RFFL: variants seen among roughly 807,000 people sequenced by gnomAD.
RFFL encodes ring finger and FYVE like domain containing E3 ubiquitin protein ligase.
RFFL carries 16 observed loss-of-function variants against 40.4 expected under a neutral mutation model. That is an observed-to-expected ratio of 0.40 (90% CI 0.27 to 0.60). The LOEUF is 0.60. Ranked by LOEUF, RFFL falls within the 20% of genes least tolerant of loss-of-function variation. RFFL has a pLI of 0.47. For missense variants in RFFL, 367 were observed against 451.7 expected (o/e 0.81, Z 1.70); for synonymous variants, 154 against 167.9 (o/e 0.92, Z 0.64).
chr17:35,054,497 CCT>C (rs1452790598), intron 1 of RFFL, among the ~76,000 whole-genome samples: 8 of 152,110 alleles, frequency 5.3e-5, no homozygotes, highest in African/African-American at 1.9e-4. Flanking sequence ...AAAATAATCC[CCT>C]TTCTAATTTA....
intron 1 of RFFL, among the ~76,000 whole-genome samples, chr17:35,075,049 A>C (rs2091369253): frequency 6.6e-6 from 1 of 152,208 alleles, no homozygotes; most frequent in Non-Finnish European, 1.5e-5. Context: ...CAAAGTGAAA[A>C]TTCAAGATTT....
At chr17:35,058,788 G>A (rs1429242212) in intron 1 of RFFL, among the ~76,000 whole-genome samples, 1 of 151,924 alleles carries the variant, frequency 6.6e-6, no homozygotes, top group Non-Finnish European at 1.5e-5. Flanking sequence ...AAAGTTGGTA[G>A]TAATAATCCC....
chr17:35,041,829 C>G (rs1319079096), intron 1 of RFFL, among the ~76,000 whole-genome samples: 1 of 152,058 alleles, frequency 6.6e-6, no homozygotes, highest in Non-Finnish European at 1.5e-5. Context: ...CCAGCCTAGA[C>G]AACATGGTGA....
chr17:35,021,850 C>T, intron 2 of RFFL, 69 bp from the exon 3 acceptor site: 1 of 1,499,706 alleles, frequency 6.7e-7, no homozygotes, highest in South Asian at 1.1e-5. Flanking sequence ...GCGATGGGAG[C>T]TTCAGAGCTG....
chr17:35,039,820 G>A (rs1159355993), intron 1 of RFFL, among the ~76,000 whole-genome samples: 1 of 151,990 alleles, frequency 6.6e-6, no homozygotes, highest in Non-Finnish European at 1.5e-5. Context: ...TGGGATTACA[G>A]GCATACAACT....
At chr17:35,070,412 C>T (rs897952585) in intron 1 of RFFL, among the ~76,000 whole-genome samples, 5 of 152,068 alleles carry the variant, frequency 3.3e-5, no homozygotes, top group African/African-American at 7.2e-5. Flanking sequence ...TCAAGCAATC[C>T]GCCTGCCTCA....
At chr17:35,077,351 G>C (rs1314450194) in intron 1 of RFFL, among the ~76,000 whole-genome samples, 1 of 152,154 alleles carries the variant, frequency 6.6e-6, no homozygotes, top group African/African-American at 2.4e-5. Context: ...AAGTGTGTGT[G>C]TCAGACTGCT....
chr17:35,069,507 A>G lies in RFFL; in HGVS notation c.-9+19598T>C, dbSNP rs1050510506. 4 of 359,146 alleles carry G rather than the reference A, an allele frequency of 1.1e-5. No individual in the cohort carries two copies. The East Asian group carries it at 2.2e-4, about 20-fold the overall frequency. 22.2% of individuals were successfully genotyped at this position (359,146 alleles called of 1,614,324 possible). On this transcript the variant is annotated intron_variant, in intron 1 of 6. Transcript: ENST00000315249. ...TGGAAGAGGGAGAGAAGGCAGAAGG[A>G]GAGATTTCAAAATAAAGACTGAACT...
At chr17:35,025,643 A>AATG (rs2091036359) in intron 2 of RFFL, among the ~76,000 whole-genome samples, 1 of 152,080 alleles carries the variant, frequency 6.6e-6, no homozygotes, top group African/African-American at 2.4e-5. Context: ...TGAGCTGCAA[A>AATG]CCTCTCATTC....
intron 1 of RFFL, among the ~76,000 whole-genome samples, chr17:35,079,159 A>G (rs1035211682): frequency 6.6e-6 from 1 of 152,092 alleles, no homozygotes; most frequent in Non-Finnish European, 1.5e-5. Context: ...TGTTCCTGGG[A>G]TTACAGGCAC....
chr17:35,040,889 T>C (rs2091161142), intron 1 of RFFL, among the ~76,000 whole-genome samples: 1 of 135,498 alleles, frequency 7.4e-6, no homozygotes, highest in Non-Finnish European at 1.6e-5. Context: ...TGTGTGTGTG[T>C]GTGTGAGGGA....
Position 35,077,994 on chromosome 17 carries a change from C to A in RFFL, c.-9+11111G>T, listed in dbSNP as rs146008939. Among the ~76,000 whole-genome samples the A allele has an allele frequency of 8.5e-5, 13 of 152,266 alleles. No individual in the cohort carries two copies. The East Asian group carries it at 2.3e-3, about 27-fold the overall frequency. On this transcript the variant is annotated intron_variant, in intron 1 of 6. Coordinates refer to the RFFL transcript ENST00000315249. Reference sequence around the variant, plus strand: ...TGACTTTTCTGTGCTTTAAATTCCTCCTCTGCAAAATAATAGCATTTCTCA... The same window carrying A: ...TGACTTTTCTGTGCTTTAAATTCCTACTCTGCAAAATAATAGCATTTCTCA...
At chr17:35,022,578 T>A (rs1285157254) in intron 2 of RFFL, among the ~76,000 whole-genome samples, 2 of 152,168 alleles carry the variant, frequency 1.3e-5, no homozygotes, top group Non-Finnish European at 2.9e-5. Flanking sequence ...GAGCGGGTAT[T>A]CACACTCAAG....
chr17:35,077,505 G>T (rs148071173), intron 1 of RFFL, among the ~76,000 whole-genome samples: 1 of 152,238 alleles, frequency 6.6e-6, no homozygotes, highest in East Asian at 1.9e-4. Flanking sequence ...ATTATTGGCT[G>T]GCAACAGATT....
chr17:35,044,265 A>G (rs934074623), intron 1 of RFFL, among the ~76,000 whole-genome samples: 1 of 152,134 alleles, frequency 6.6e-6, no homozygotes, highest in Admixed American at 6.5e-5. Flanking sequence ...TTTTTTTTGT[A>G]GAGACAGGGT....
At chr17:35,059,141 C>T (rs964210006) in intron 1 of RFFL, among the ~76,000 whole-genome samples, 4 of 151,554 alleles carry the variant, frequency 2.6e-5, no homozygotes, top group African/African-American at 4.9e-5. Context: ...GCCTCGGCCT[C>T]CCAAGTAGGT....
chr17:35,053,922 T>G (rs550635350), intron 1 of RFFL, among the ~76,000 whole-genome samples: 1 of 152,184 alleles, frequency 6.6e-6, no homozygotes, highest in Non-Finnish European at 1.5e-5. Context: ...CATTCTGAGC[T>G]CAATCACTCA....
In RFFL at chr17:35,011,863, C is replaced by G; in HGVS notation, c.*105G>C. 9.0e-7 allele frequency: 1 copy of G among 1,113,694 alleles called. No individual in the cohort carries two copies. The highest frequency in any genetic ancestry group is 2.0e-5 in the Admixed American group (1 of 49,938). 69.0% of individuals were successfully genotyped at this position (1,113,694 alleles called of 1,614,324 possible). ...TCTTGCTTGACCTGGTTTTGGGAAC[C>G]CTGCAATATTTCTACTAGCTTGCTC... On this transcript the variant is annotated 3_prime_UTR_variant, in exon 7 of 7. Coordinates refer to ENST00000394597, the MANE Select transcript of RFFL (RefSeq NM_001017368.2).
chr17:35,074,985 G>A (rs1286602051), intron 1 of RFFL, among the ~76,000 whole-genome samples: 4 of 152,166 alleles, frequency 2.6e-5, no homozygotes, highest in African/African-American at 7.2e-5. Context: ...ATAGGAAAGG[G>A]GATTGTTTGT....
Sources: gnomAD v4.1 joint callset for allele counts (sites outside exome capture counted in the v4.1 genomes callset) on GRCh38, gnomAD v4.1.1 for gene constraint, MANE v1.5 for transcripts, NCBI Gene and HGNC (gene_info 2026-07-23, HGNC 2026-07-21) for gene names.